The following PRH1 variants were observed in gnomAD, a reference collection of about 807,000 sequenced individuals.
PRH1 encodes proline rich protein HaeIII subfamily 1, also known as salivary acidic proline-rich phosphoprotein 1/2.
A neutral mutation model predicts 7.9 loss-of-function variants in PRH1; 7 were observed. The observed-to-expected ratio is 0.89, with a 90% CI of 0.50 to 1.67. The LOEUF is 1.67. Among genes scored for constraint, PRH1 ranks in the 40% most tolerant of loss-of-function variants. The pLI, the probability that PRH1 is intolerant of heterozygous loss-of-function variation, is 0.00. For missense variants in PRH1, 109 were observed against 223.6 expected (o/e 0.49, Z 3.27); for synonymous variants, 45 against 80.8 (o/e 0.56, Z 2.38).
chr12:10,949,442 T>C (rs1950536475), intron 2 of PRH1, among the ~76,000 whole-genome samples: 1 of 152,218 alleles, frequency 6.6e-6, no homozygotes, highest in Non-Finnish European at 1.5e-5. Flanking sequence ...GGAGGCTTTG[T>C]CCAAGATTAG....
chr12:11,003,913 T>G lies in PRH1; in HGVS notation c.-125-30192A>C, dbSNP rs190786572. Reference sequence around the variant, plus strand: ...ATTTTGATTGCTGTATAGCATTCTGTAAGTATGTCATAATTTATTTATCCA... The same window carrying G: ...ATTTTGATTGCTGTATAGCATTCTGGAAGTATGTCATAATTTATTTATCCA... On this transcript the variant is annotated intron_variant, in intron 1 of 3. Coordinates refer to the PRH1 transcript ENST00000539853. 7.1e-3 allele frequency among the ~76,000 whole-genome samples: 1,055 copies of G among 147,914 alleles called. 15 individuals carry two copies. The highest frequency in any genetic ancestry group is 0.025 in the African/African-American group (1,021 of 40,372).
In PRH1 at chr12:11,152,653, T is replaced by G. The variant is rs145514747; in HGVS notation, n.39+18769A>C. ...TTTTAGCCCCAATTATTTATTCCCT[T>G]TAATAGTATTACTCACAGCCTTTGC... On this transcript the variant is annotated intron_variant and non_coding_transcript_variant, in intron 1 of 1. Coordinates refer to the PRH1 transcript ENST00000541175. Among the ~76,000 whole-genome samples the G allele has an allele frequency of 2.3e-4, 35 of 152,320 alleles. No individual in the cohort carries two copies. The East Asian group carries it at 6.4e-3, about 28-fold the overall frequency.
chr12:10,966,292 T>A (rs1190552658), intron 2 of PRH1, among the ~76,000 whole-genome samples: 1 of 152,212 alleles, frequency 6.6e-6, no homozygotes, highest in Admixed American at 6.5e-5. Flanking sequence ...TGACATATAA[T>A]CTTGCAGTAT....
upstream of PRH1, among the ~76,000 whole-genome samples, chr12:10,888,104 A>T (rs1299490676): frequency 6.6e-6 from 1 of 152,140 alleles, no homozygotes; most frequent in African/African-American, 2.4e-5. Context: ...TCCATCTTCA[A>T]TGCCAGCAAT....
intron 1 of PRH1, among the ~76,000 whole-genome samples, chr12:11,072,728 C>T (rs1944129811): frequency 6.7e-6 from 1 of 150,150 alleles, no homozygotes; most frequent in Non-Finnish European, 1.5e-5. Flanking sequence ...TGGTATCTTC[C>T]CTGAGCAGAG....
chr12:11,074,229 T>C (rs1415510185), intron 1 of PRH1, among the ~76,000 whole-genome samples: 1 of 35,510 alleles, frequency 2.8e-5, no homozygotes, highest in Non-Finnish European at 9.5e-5. Context: ...AAGAGCACAG[T>C]CTGATACAAA....
chr12:11,154,760 G>C (rs932101554), intron 1 of PRH1, among the ~76,000 whole-genome samples: 1 of 152,144 alleles, frequency 6.6e-6, no homozygotes, highest in African/African-American at 2.4e-5. Flanking sequence ...CCTAGACAAG[G>C]AGTCTTTTAA....
intron 2 of PRH1, among the ~76,000 whole-genome samples, chr12:10,968,858 GT>G (rs1462713925): frequency 6.6e-6 from 1 of 152,242 alleles, no homozygotes; most frequent in Non-Finnish European, 1.5e-5. Flanking sequence ...GGGGGAGGGT[GT>G]TACAGTGCTC....
chr12:11,006,329 T>A (rs1019528461), intron 1 of PRH1: 3 of 151,888 alleles, frequency 2.0e-5, no homozygotes, highest in Non-Finnish European at 4.4e-5. Context: ...TACTAGATAT[T>A]TAGAAGGTGC....
chr12:10,967,490 C>G (rs1938566452), intron 2 of PRH1, among the ~76,000 whole-genome samples: 1 of 152,190 alleles, frequency 6.6e-6, no homozygotes, highest in Non-Finnish European at 1.5e-5. Flanking sequence ...TTTTCAAGCC[C>G]CTAAATGTTT....
chr12:11,099,652 G>A (rs1945175129), intron 1 of PRH1, among the ~76,000 whole-genome samples: 1 of 152,082 alleles, frequency 6.6e-6, no homozygotes, highest in Non-Finnish European at 1.5e-5. Flanking sequence ...AGCCAAGATA[G>A]TGCCACTGCA....
chr12:10,997,780 G>A (rs1236123521), intron 1 of PRH1: 1 of 1,613,836 alleles, frequency 6.2e-7, no homozygotes, highest in Non-Finnish European at 8.5e-7. Context: ...CCCAGGCAAT[G>A]AAATTTATCA....
At chr12:11,121,271 T>C (rs1945894243) in intron 1 of PRH1, 1 of 152,228 alleles carries the variant, frequency 6.6e-6, no homozygotes, top group South Asian at 2.1e-4. Context: ...ATTAATACGT[T>C]TCCTATCATC....
At chr12:11,089,965 G>C (rs1944824942) in intron 1 of PRH1, among the ~76,000 whole-genome samples, 1 of 116,468 alleles carries the variant, frequency 8.6e-6, no homozygotes, top group African/African-American at 2.9e-5. Flanking sequence ...CTTAACCTGA[G>C]ACCGGAACAG....
intron 2 of PRH1, chr12:10,930,213 G>A (rs1591689816): frequency 6.4e-7 from 1 of 1,574,322 alleles, no homozygotes; most frequent in East Asian, 2.2e-5. Flanking sequence ...AGAACACTAT[G>A]AGCTCTGAAT....
intron 1 of PRH1, among the ~76,000 whole-genome samples, chr12:11,088,065 G>T (rs1396093224): frequency 7.8e-6 from 1 of 128,208 alleles, no homozygotes; most frequent in South Asian, 2.2e-4. Flanking sequence ...TACAGACCAG[G>T]CCCTGTGGCA....
intron 1 of PRH1, among the ~76,000 whole-genome samples, chr12:11,083,345 T>TTCTAC (rs371285688): frequency 1.6e-5 from 2 of 125,360 alleles, no homozygotes; most frequent in African/African-American, 2.9e-5. Flanking sequence ...CTCTTCCTTT[T>TTCTAC]TTAAATTAAA....
chr12:11,069,529 G>T (rs1943972046), intron 1 of PRH1, among the ~76,000 whole-genome samples: 2 of 151,970 alleles, frequency 1.3e-5, no homozygotes, highest in Admixed American at 6.6e-5. Flanking sequence ...AATCAGGAAA[G>T]GGCATCATCC....
At chr12:10,986,388 T>C (rs1421453034) in intron 1 of PRH1, 5 of 1,614,076 alleles carry the variant, frequency 3.1e-6, no homozygotes, top group Non-Finnish European at 3.4e-6. Flanking sequence ...GTTTCCTTCA[T>C]ATTCTTCTGC....
Sources: gnomAD v4.1 joint callset for allele counts (sites outside exome capture counted in the v4.1 genomes callset) on GRCh38, gnomAD v4.1.1 for gene constraint, MANE v1.5 for transcripts, NCBI Gene and HGNC (gene_info 2026-07-23, HGNC 2026-07-21) for gene names.